ZNF503: variants seen among roughly 807,000 people sequenced by gnomAD.
The protein encoded by ZNF503 is zinc finger protein 503, also known as NocA-like zinc finger 2.
In ZNF503, 15 loss-of-function variants were observed where a neutral mutation model predicts 34.4. The ratio of observed to expected loss-of-function variants is 0.44; its 90% CI spans 0.29 to 0.67. The LOEUF is 0.67. Ranked by LOEUF, ZNF503 falls within the 30% of genes least tolerant of loss-of-function variation. The pLI, the probability that ZNF503 is intolerant of heterozygous loss-of-function variation, is 0.13. For missense variants in ZNF503, 1,007 were observed against 926.8 expected (o/e 1.09, Z -1.12); for synonymous variants, 580 against 456.8 (o/e 1.27, Z -3.44).
At chr10:75,315,888 T>A in the ZNF503 span, among the ~76,000 whole-genome samples, 71 of 152,188 alleles carry the variant, frequency 4.7e-4, 3 homozygotes, top group African/African-American at 1.4e-3. Context: ...AGTGAAGGGA[T>A]GAAAAAGATA....
the ZNF503 span, among the ~76,000 whole-genome samples, chr10:75,359,482 G>A: frequency 6.6e-6 from 1 of 152,234 alleles, no homozygotes; most frequent in Non-Finnish European, 1.5e-5. Flanking sequence ...AGTCCTGTGG[G>A]CCTCCAGAGA....
At chr10:75,298,680 GTGGCCATGTTTTCAGTTCTTT>G in the ZNF503 span, among the ~76,000 whole-genome samples, 3 of 152,138 alleles carry the variant, frequency 2.0e-5, no homozygotes, top group African/African-American at 7.2e-5. Context: ...AAGTTTTTAT[GTGGCCATGTTTTCAGTTCTTT>G]TGGGTATATA....
chr10:75,398,747 C>T lies in ZNF503; in HGVS notation c.*2G>A. 1 of 1,384,994 alleles carries T rather than the reference C, an allele frequency of 7.2e-7. No homozygotes were observed. Among genetic ancestry groups the T allele is most frequent in the Non-Finnish European group, 9.3e-7 (1 of 1,073,572 alleles). The allele number at this position is 1,384,994 out of a possible 1,614,324, so 85.8% of individuals were successfully genotyped here. ...CTCCCTCGCTCGCCCTCCCGGCCGC[C>T]CTCACTGATACCCCAGCGCCGAGGC... On this transcript the variant is annotated 3_prime_UTR_variant, in exon 2 of 2. Transcript: ENST00000372524.
At chr10:75,396,514 C>CA (rs145192547), downstream of ZNF503, among the ~76,000 whole-genome samples, 1 of 152,112 alleles carries the variant, frequency 6.6e-6, no homozygotes, top group African/African-American at 2.4e-5. This position sits in a 1 kb window ranked among gnomAD's most constrained non-coding sequence, Gnocchi z 4.4. Context: ...TGGAAAATCT[C>CA]AAAGTCACCA....
At chr10:75,327,199 T>C in the ZNF503 span, among the ~76,000 whole-genome samples, 2 of 152,264 alleles carry the variant, frequency 1.3e-5, no homozygotes, top group African/African-American at 4.8e-5. Flanking sequence ...TAGCTCTACT[T>C]TGATATCTGT....
At chr10:75,355,264 A>C in the ZNF503 span, among the ~76,000 whole-genome samples, 7 of 152,288 alleles carry the variant, frequency 4.6e-5, 1 homozygote, top group Admixed American at 1.3e-4. Flanking sequence ...CCCCTCCTTA[A>C]ATCAGAGGCG....
In ZNF503 at chr10:75,401,280, G is replaced by A. The variant is rs976564186; in HGVS notation, c.140C>T (p.Ser47Leu). The A allele has an allele frequency of 2.5e-6, 4 of 1,584,102 alleles. No individual in the cohort carries two copies. The East Asian group carries it at 6.9e-5, about 27-fold the overall frequency. Reference sequence around the variant, plus strand: ...AGGCTTGGTGCTGCCGGCCGGGGACGAGCCTGGGCCGGGGCCGGAGCTATT... The same window carrying A: ...AGGCTTGGTGCTGCCGGCCGGGGACAAGCCTGGGCCGGGGCCGGAGCTATT... ...SGNSSGPGPG[S>L]SPAGSTKPFV... Residue 47 changes from serine to leucine, a missense_variant, in exon 1 of 2, where the codon TCG becomes TTG. Transcript: ENST00000372524.
chr10:75,373,353 T>G, the ZNF503 span: 1 of 152,256 alleles, frequency 6.6e-6, no homozygotes, highest in Non-Finnish European at 1.5e-5. Flanking sequence ...TGGGGTCATT[T>G]TCTCTCCGCC....
At chr10:75,338,324 G>T in the ZNF503 span, 1 of 152,120 alleles carries the variant, frequency 6.6e-6, no homozygotes, top group Non-Finnish European at 1.5e-5. Context: ...GACAACAGAC[G>T]ATGGTACTTA....
At chr10:75,301,363 C>T in the ZNF503 span, among the ~76,000 whole-genome samples, 2 of 152,114 alleles carry the variant, frequency 1.3e-5, no homozygotes, top group Non-Finnish European at 2.9e-5. Flanking sequence ...GCCTCAGCCT[C>T]CTGAGTAGTT....
chr10:75,316,215 C>A, the ZNF503 span, among the ~76,000 whole-genome samples: 118 of 152,238 alleles, frequency 7.8e-4, no homozygotes, highest in Middle Eastern at 0.01. Flanking sequence ...CACTTTAGAC[C>A]AGATCAACCT....
chr10:75,325,331 T>TA, the ZNF503 span, among the ~76,000 whole-genome samples: 4 of 73,918 alleles, frequency 5.4e-5, no homozygotes, highest in African/African-American at 4.0e-4. Context: ...ATATATATAT[T>TA]TTTTTTTTTT....
At chr10:75,281,925 G>T in the ZNF503 span, among the ~76,000 whole-genome samples, 2 of 152,238 alleles carry the variant, frequency 1.3e-5, no homozygotes, top group Non-Finnish European at 1.5e-5. Context: ...AGCTGTCTGT[G>T]CACATACCCA....
At chr10:75,391,737 GT>G in the ZNF503 span, among the ~76,000 whole-genome samples, 23 of 150,548 alleles carry the variant, frequency 1.5e-4, no homozygotes, top group Admixed American at 4.0e-4. Context: ...TCTGTCTTTT[GT>G]TTTTTTTTCT....
Position 75,400,219 on chromosome 10 carries a change from G to C in ZNF503, c.471C>G (p.Thr157=). Residue 157 remains threonine (T), a synonymous_variant, in exon 2 of 2, where the codon ACC becomes ACG. Transcript: ENST00000372524. ...CGCTCAGCTTCAGGGGGCCCGATTTGGTGTCCTTGTCGCCCGCAGCACCGC... is the reference window on the plus strand; with the variant it reads ...CGCTCAGCTTCAGGGGGCCCGATTTCGTGTCCTTGTCGCCCGCAGCACCGC... ...AGGGAAGDKD[T]KSGPLKLSDI... 1 of 1,607,420 alleles carries C rather than the reference G, an allele frequency of 6.2e-7. No individual in the cohort carries two copies. The highest frequency in any genetic ancestry group is 1.3e-5 in the African/African-American group (1 of 74,780).
At chr10:75,346,343 C>T in the ZNF503 span, among the ~76,000 whole-genome samples, 1 of 152,128 alleles carries the variant, frequency 6.6e-6, no homozygotes, top group South Asian at 2.1e-4. Flanking sequence ...TCTTGAAAAT[C>T]TTGGTAATTT....
Position 75,400,097 on chromosome 10 carries a change from C to G in ZNF503, c.593G>C (p.Gly198Ala). 1 of 1,545,500 alleles carries G rather than the reference C, an allele frequency of 6.5e-7. No individual in the cohort carries two copies. The highest frequency in any genetic ancestry group is 2.4e-5 in the East Asian group (1 of 40,890). Residue 198 changes from glycine (G) to alanine (A), a missense_variant, in exon 2 of 2, where the codon GGC (glycine) becomes GCC (alanine). Coordinates refer to ENST00000372524, the MANE Select transcript of ZNF503 (RefSeq NM_032772.6). ...CGAAACACCCCCGCCGCCGCCCCCG[C>G]CACCGCCACCGCCTCCACCGCCGCC... ...PGGGGGGGGG[G>A]GGGGGGVSSE... is the part of the protein sequence containing the mutation.
the ZNF503 span, among the ~76,000 whole-genome samples, chr10:75,333,572 G>C: frequency 1.2e-5 from 1 of 85,448 alleles, no homozygotes; most frequent in Non-Finnish European, 2.3e-5. Context: ...CGGGGCAGCT[G>C]GCCGGGCGGG....
chr10:75,369,548 C>A, the ZNF503 span, among the ~76,000 whole-genome samples: 26 of 152,194 alleles, frequency 1.7e-4, no homozygotes, highest in Non-Finnish European at 3.7e-4. Flanking sequence ...TTTCTTGAGG[C>A]CTCCCCAGCC....
Sources: gnomAD v4.1 joint callset for allele counts (sites outside exome capture counted in the v4.1 genomes callset) on GRCh38, gnomAD v4.1.1 for gene constraint, Gnocchi (gnomAD v3.1) non-coding constraint, MANE v1.5 for transcripts, NCBI Gene and HGNC (gene_info 2026-07-23, HGNC 2026-07-21) for gene names.